MCF2L2: variants seen among roughly 807,000 people sequenced by gnomAD.
MCF2L2 encodes the protein MCF.2 cell line derived transforming sequence-like 2.
MCF2L2 carries 102 observed loss-of-function variants against 150.2 expected under a neutral mutation model. The observed-to-expected ratio is 0.68, with a 90% CI of 0.58 to 0.80. The LOEUF is 0.80. Among genes scored for constraint, MCF2L2 ranks in the 30% least tolerant of loss-of-function variants. The pLI, the probability that MCF2L2 is intolerant of heterozygous loss-of-function variation, is 0.00. For missense variants in MCF2L2, 1,256 were observed against 1,372.8 expected (o/e 0.91, Z 1.34); for synonymous variants, 465 against 491.3 (o/e 0.95, Z 0.71).
intron 17 of MCF2L2, 85 bp downstream of exon 17, chr3:183,229,581 G>A: frequency 1.5e-6 from 1 of 661,834 alleles, no homozygotes; most frequent in South Asian, 2.1e-5. Context: ...AAACATCTAA[G>A]TGTTTTCATC....
intron 15 of MCF2L2, chr3:183,253,891 C>T (rs1229426664): frequency 6.6e-6 from 1 of 152,292 alleles, no homozygotes; most frequent in Non-Finnish European, 1.5e-5. Flanking sequence ...CGAGGCCTCT[C>T]TGGGTGGGAG....
chr3:183,345,689 G>A (rs1384219482), intron 3 of MCF2L2, among the ~76,000 whole-genome samples: 1 of 152,056 alleles, frequency 6.6e-6, no homozygotes, highest in Non-Finnish European at 1.5e-5. Context: ...TAATGAAGAA[G>A]AAAAGAGAGA....
chr3:183,419,199 G>A (rs1280807933), intron 1 of MCF2L2, among the ~76,000 whole-genome samples: 1 of 152,212 alleles, frequency 6.6e-6, no homozygotes, highest in Non-Finnish European at 1.5e-5. Context: ...GCTACAGCTG[G>A]AGTGGCTGGA....
intron 1 of MCF2L2, among the ~76,000 whole-genome samples, chr3:183,397,369 A>C (rs1361382676): frequency 6.6e-6 from 1 of 152,186 alleles, no homozygotes; most frequent in Non-Finnish European, 1.5e-5. Flanking sequence ...AGGGGTGTAC[A>C]CTGAGTCCTC....
chr3:183,347,632 A>G (rs1730952982), intron 3 of MCF2L2, among the ~76,000 whole-genome samples: 1 of 152,238 alleles, frequency 6.6e-6, no homozygotes, highest in African/African-American at 2.4e-5. Flanking sequence ...ACAGAATGGT[A>G]GAACATTTTT....
chr3:183,359,194 T>C (rs1416155426), intron 3 of MCF2L2, among the ~76,000 whole-genome samples: 1 of 152,176 alleles, frequency 6.6e-6, no homozygotes, highest in Non-Finnish European at 1.5e-5. Context: ...AGACAGCCCT[T>C]ACAGGAATTA....
chr3:183,341,740 G>T, intron 3 of MCF2L2, 110 bp from the exon 4 acceptor site: 1 of 731,352 alleles, frequency 1.4e-6, no homozygotes, highest in Non-Finnish European at 2.4e-6. Context: ...GGCTCACCGT[G>T]TAAACACCCT....
At position 183,323,533 on chromosome 3, in the gene MCF2L2, G is replaced by A. The variant is rs889804216; in HGVS notation, c.487-182C>T. Among the ~76,000 whole-genome samples, 8 of 151,714 alleles carry A rather than the reference G, an allele frequency of 5.3e-5. 1 individual carries two copies. The East Asian group carries it at 5.8e-4, about 11-fold the overall frequency. On this transcript the variant is annotated intron_variant, in intron 5 of 29. Coordinates refer to ENST00000328913, the MANE Select transcript of MCF2L2 (RefSeq NM_015078.4). ...ACAGCCAAGCACAGTCGCTCATGCC[G>A]GTAATCTCAGCACTTTGGAAGGCTG...
At chr3:183,253,211 G>A (rs1269109753) in intron 15 of MCF2L2, 1 of 150,530 alleles carries the variant, frequency 6.6e-6, no homozygotes, top group Admixed American at 6.6e-5. Context: ...GCGCGCGGCT[G>A]GGAGCCTCGC....
intron 1 of MCF2L2, among the ~76,000 whole-genome samples, chr3:183,397,638 TG>T (rs1323734235): frequency 2.0e-5 from 3 of 152,228 alleles, no homozygotes; most frequent in Admixed American, 6.5e-5. Flanking sequence ...ATCTTAACAA[TG>T]AATAAGATTG....
intron 11 of MCF2L2, 109 bp from the exon 12 acceptor site, chr3:183,297,276 A>T: frequency 1.0e-6 from 1 of 957,834 alleles, no homozygotes; most frequent in Non-Finnish European, 1.6e-6. Flanking sequence ...TTCCCAGACA[A>T]TGGGAAATTG....
Position 183,361,315 on chromosome 3 carries a change from T to G in MCF2L2, c.275+17982A>C, listed in dbSNP as rs1157730216. Among the ~76,000 whole-genome samples the G allele has an allele frequency of 2.0e-5, 3 of 152,310 alleles. No homozygotes were observed. In the East Asian group the frequency reaches 5.8e-4, roughly 29 times the overall value. On this transcript the variant is annotated intron_variant, in intron 3 of 29. Coordinates refer to ENST00000328913, the MANE Select transcript of MCF2L2 (RefSeq NM_015078.4). ...GATACAAGAATGCTGGTAATGCTAC[T>G]GTACTGCTTAGTTACTGATATGGTT...
chr3:183,412,956 G>A (rs531361151), intron 1 of MCF2L2, among the ~76,000 whole-genome samples: 1 of 152,194 alleles, frequency 6.6e-6, no homozygotes, highest in East Asian at 1.9e-4. Context: ...CTTGTCAAAT[G>A]ACCTTTCTGC....
intron 15 of MCF2L2, chr3:183,272,437 GAAA>G: frequency 1.0e-6 from 1 of 999,868 alleles, no homozygotes; most frequent in Middle Eastern, 5.2e-4. Flanking sequence ...AAAACAAAAC[GAAA>G]AAAGATTTCT....
intron 15 of MCF2L2, chr3:183,253,458 A>G (rs1192668837): frequency 6.6e-6 from 1 of 152,274 alleles, no homozygotes; most frequent in East Asian, 1.9e-4. Flanking sequence ...CCTTGAAATG[A>G]AGCTGGACTT....
At chr3:183,336,669 T>TG (rs1459495784) in intron 5 of MCF2L2, among the ~76,000 whole-genome samples, 1 of 150,780 alleles carries the variant, frequency 6.6e-6, no homozygotes, top group African/African-American at 2.4e-5. Context: ...CCAACATGGC[T>TG]GGTCTCGAAC....
At position 183,270,465 on chromosome 3, in the gene MCF2L2, G is replaced by T; in HGVS notation, c.1862+6407C>A. The T allele has an allele frequency of 1.2e-6, 2 of 1,614,174 alleles. No individual in the cohort carries two copies. The highest frequency in any genetic ancestry group is 1.7e-6 in the Non-Finnish European group (2 of 1,180,030). Reference sequence around the variant, plus strand: ...TGTTCAAGACTTTTGGATTGGTCGTGTTCATCGTGGTGCCCCTCCCATTAG... The same window carrying T: ...TGTTCAAGACTTTTGGATTGGTCGTTTTCATCGTGGTGCCCCTCCCATTAG... On this transcript the variant is annotated intron_variant, in intron 15 of 29. Coordinates refer to ENST00000328913, the MANE Select transcript of MCF2L2 (RefSeq NM_015078.4). The surrounding 1 kb of genome is among the most constrained non-coding windows in gnomAD (Gnocchi z 4.5).
At chr3:183,233,407 T>C (rs1306377114) in intron 15 of MCF2L2, among the ~76,000 whole-genome samples, 2 of 151,824 alleles carry the variant, frequency 1.3e-5, no homozygotes, top group Admixed American at 1.3e-4. Context: ...TATGTGTGTG[T>C]GTGTGTATAT....
At position 183,207,768 on chromosome 3, in the gene MCF2L2, G is replaced by C. The variant is rs762307101; in HGVS notation, c.2552C>G (p.Thr851Arg). ...CATTTTATAACGATCCTTGTGAATT[G>C]TCCAGACGCTGAAAGGGCCGTGCAG... ...LLLHGPFSVW[T>R]IHKDRYKMKD... The change falls in exon 23 of 30, where the codon ACA becomes AGA. Residue 851 changes from threonine to arginine, a missense_variant. Transcript: ENST00000328913. 47 of 1,614,142 alleles carry C rather than the reference G, an allele frequency of 2.9e-5. No individual in the cohort carries two copies. Among genetic ancestry groups the C allele is most frequent in the Non-Finnish European group, 3.9e-5 (46 of 1,180,028 alleles).
Sources: gnomAD v4.1 joint callset for allele counts (sites outside exome capture counted in the v4.1 genomes callset) on GRCh38, gnomAD v4.1.1 for gene constraint, Gnocchi (gnomAD v3.1) non-coding constraint, MANE v1.5 for transcripts, NCBI Gene and HGNC (gene_info 2026-07-23, HGNC 2026-07-21) for gene names.